The following SCYL2 variants were observed in gnomAD, a reference collection of about 807,000 sequenced individuals.
SCYL2 encodes SCY1-like protein 2.
In SCYL2, 36 loss-of-function variants were observed where a neutral mutation model predicts 100.4. The observed-to-expected ratio is 0.36, with a 90% CI of 0.27 to 0.47. The LOEUF (loss-of-function observed/expected upper bound fraction) is 0.47. Ranked by LOEUF, SCYL2 falls within the 20% of genes least tolerant of loss-of-function variation. The probability of loss-of-function intolerance (pLI) is 1.00; values close to 1 mark genes in which losing one functional copy is unlikely to be tolerated. For synonymous variants in SCYL2, 330 were observed against 359.2 expected, an observed-to-expected ratio of 0.92 and a Z score of 0.92; for missense variants, 902 against 1,083.9, an observed-to-expected ratio of 0.83 and a Z score of 2.36.
At chr12:100,310,235 ATCCGCCTGCC>A (rs2096340527) in intron 4 of SCYL2, among the ~76,000 whole-genome samples, 1 of 152,118 alleles carries the variant, frequency 6.6e-6, no homozygotes, top group African/African-American at 2.4e-5. Context: ...CTGACCTGTG[ATCCGCCTGCC>A]TCGGCCTCCC....
At chr12:100,274,586 T>A (rs1311477976) in intron 1 of SCYL2, among the ~76,000 whole-genome samples, 2 of 152,180 alleles carry the variant, frequency 1.3e-5, no homozygotes, top group African/African-American at 4.8e-5. Context: ...TAAGTGGCTT[T>A]CTCATAGAAT....
At chr12:100,302,912 TCA>T (rs2096329588) in intron 4 of SCYL2, among the ~76,000 whole-genome samples, 1 of 152,188 alleles carries the variant, frequency 6.6e-6, no homozygotes, top group African/African-American at 2.4e-5. Flanking sequence ...TTTGGTCTTT[TCA>T]CATAGTCCCA....
At chr12:100,277,792 G>A (rs1402704451) in intron 1 of SCYL2, among the ~76,000 whole-genome samples, 1 of 150,916 alleles carries the variant, frequency 6.6e-6, no homozygotes, top group Non-Finnish European at 1.5e-5. Context: ...CCTCTTTTCC[G>A]CTTCTTTTTA....
In SCYL2 at chr12:100,340,966, CTG is replaced by C. The variant is rs1478071226; in HGVS notation, c.*1796_*1797del. The stretch of plus-strand genomic sequence containing the variant: ...TTTCTTTGTAACAATTTAGTAGTCA[CTG>C]TTTATTGAGAAATTGTTTTTTATTT... On this transcript the variant is annotated 3_prime_UTR_variant, in exon 18 of 18. Transcript: ENST00000360820. 1 of 151,922 alleles carries C rather than the reference CTG, an allele frequency of 6.6e-6. No homozygotes were observed. The highest frequency in any genetic ancestry group is 2.4e-5 in the African/African-American group (1 of 41,364). 9.4% of individuals were successfully genotyped at this position (151,922 alleles called of 1,614,324 possible). A position where few individuals can be genotyped will look rare whatever the true frequency, so the allele number is the denominator to read the frequency against.
intron 16 of SCYL2, 85 bp from the exon 17 acceptor site, chr12:100,337,302 G>A (rs1952290537): frequency 1.9e-6 from 3 of 1,545,988 alleles, no homozygotes; most frequent in Non-Finnish European, 2.6e-6. Context: ...GTAGTAAGAT[G>A]TACTTTACCC....
intron 1 of SCYL2, among the ~76,000 whole-genome samples, chr12:100,279,894 G>C (rs900536432): frequency 2.0e-5 from 3 of 152,186 alleles, no homozygotes; most frequent in African/African-American, 7.2e-5. Flanking sequence ...GAGCATGAAG[G>C]GGACCAGTTT....
intron 3 of SCYL2, among the ~76,000 whole-genome samples, chr12:100,294,632 C>T (rs1368009910): frequency 2.9e-5 from 4 of 138,290 alleles, no homozygotes; most frequent in Middle Eastern, 4.2e-3. Flanking sequence ...TCCTCACTTC[C>T]CAGTAGGGGT....
intron 13 of SCYL2, among the ~76,000 whole-genome samples, chr12:100,330,466 C>T (rs950897879): frequency 2.0e-5 from 3 of 152,112 alleles, no homozygotes; most frequent in Non-Finnish European, 2.9e-5. Flanking sequence ...AGCCCCAGCA[C>T]TTAGTGCAAT....
chr12:100,317,627 C>T, intron 9 of SCYL2, 176 bp from the exon 10 acceptor site: 3 of 1,371,294 alleles, frequency 2.2e-6, no homozygotes, highest in Non-Finnish European at 2.8e-6. Flanking sequence ...AAATATTGTG[C>T]CTCCAGAAAT....
intron 1 of SCYL2, among the ~76,000 whole-genome samples, chr12:100,270,347 A>G (rs2096286286): frequency 6.6e-6 from 1 of 152,096 alleles, no homozygotes; most frequent in Non-Finnish European, 1.5e-5. Context: ...TGATCATTTA[A>G]TCTAATTTCC....
intron 10 of SCYL2, among the ~76,000 whole-genome samples, chr12:100,322,232 G>A (rs184607950): frequency 6.7e-6 from 1 of 150,148 alleles, no homozygotes; most frequent in Non-Finnish European, 1.5e-5. Flanking sequence ...AATTAGCCGG[G>A]CGTGGTGGCG....
intron 10 of SCYL2, among the ~76,000 whole-genome samples, chr12:100,323,030 G>GAAA (rs755343482): frequency 8.8e-5 from 5 of 56,764 alleles, no homozygotes; most frequent in Non-Finnish European, 1.5e-4. Context: ...CCTGTCTCAA[G>GAAA]AAAAAAAAAA....
In SCYL2 at chr12:100,314,566, A is replaced by G; in HGVS notation, c.1047A>G (p.Lys349=). ...DTLFQRDNLQ[K]SQFFKGLPKV... is the part of the protein sequence containing the mutation. ...TATTCCAAAGAGATAATCTTCAGAA[A>G]TCACAGTTTTTCAAAGGACTGCCAA... The change falls in exon 8 of 18, where the codon AAA becomes AAG. Residue 349 remains lysine (K), a synonymous_variant. Coordinates refer to ENST00000360820, the MANE Select transcript of SCYL2 (RefSeq NM_017988.6). 6.2e-7 allele frequency: 1 copy of G among 1,603,440 alleles called. No individual in the cohort carries two copies. Among genetic ancestry groups the G allele is most frequent in the Non-Finnish European group, 8.5e-7 (1 of 1,176,684 alleles).
Position 100,299,096 on chromosome 12 carries a change from A to G in SCYL2, c.480+921A>G, listed in dbSNP as rs77844406. On this transcript the variant is annotated intron_variant, in intron 4 of 17. Coordinates refer to ENST00000360820, the MANE Select transcript of SCYL2 (RefSeq NM_017988.6). ...AAAAAATTTTAAAAATTGGCTGGGC[A>G]TGGTGGCATGCACCTGTGGTCCCAG... 0.023 allele frequency among the ~76,000 whole-genome samples: 3,477 copies of G among 152,120 alleles called. 287 individuals are homozygous for G. The East Asian group carries it at 0.28, about 12-fold the overall frequency.
intron 4 of SCYL2, among the ~76,000 whole-genome samples, chr12:100,305,916 T>C (rs1185479604): frequency 9.2e-5 from 14 of 151,970 alleles, no homozygotes; most frequent in Non-Finnish European, 2.1e-4. Flanking sequence ...AAGAAATGGA[T>C]AAATTCCTGG....
At chr12:100,308,597 C>CTGCA (rs199851652) in intron 4 of SCYL2, among the ~76,000 whole-genome samples, 2,099 of 152,238 alleles carry the variant, frequency 0.014, 24 homozygotes, top group Non-Finnish European at 0.018. Context: ...GTAAAAAAAA[C>CTGCA]TGCACATTCT....
chr12:100,310,514 C>T (rs1334356124), intron 4 of SCYL2, among the ~76,000 whole-genome samples: 1 of 152,178 alleles, frequency 6.6e-6, no homozygotes, highest in Non-Finnish European at 1.5e-5. Flanking sequence ...GAAATCTAAC[C>T]TTTAGTTTTG....
chr12:100,280,490 A>G (rs2096296871), intron 1 of SCYL2, among the ~76,000 whole-genome samples: 1 of 152,282 alleles, frequency 6.6e-6, no homozygotes, highest in South Asian at 2.1e-4. Flanking sequence ...TCTTCATGTA[A>G]CCCTAGAGAT....
rs1374203014 is a variant in SCYL2 at position 100,314,492 on chromosome 12, C to T, written c.973C>T (p.Pro325Ser). Reference protein sequence around the residue: ...RPDADQMTKIPFFDDVGAVTL... With the variant: ...RPDADQMTKISFFDDVGAVTL... ...ACTTTATTTCCATTTTTTTTAGATT[C>T]CCTTCTTTGATGATGTTGGTGCAGT... The change falls in exon 8 of 18, where the codon CCC (proline) becomes TCC (serine). Residue 325 changes from proline (P) to serine (S), a missense_variant. Coordinates refer to ENST00000360820, the MANE Select transcript of SCYL2 (RefSeq NM_017988.6). 1 of 1,574,038 alleles carries T rather than the reference C, an allele frequency of 6.4e-7. No homozygotes were observed. The highest frequency in any genetic ancestry group is 2.3e-5 in the East Asian group (1 of 43,720).
Sources: allele counts gnomAD v4.1 joint callset (sites outside exome capture counted in the v4.1 genomes callset), GRCh38; gene constraint gnomAD v4.1.1; transcripts MANE v1.5; gene names NCBI Gene and HGNC (gene_info 2026-07-23, HGNC 2026-07-21).